The following MSN variants were observed in gnomAD, a reference collection of about 807,000 sequenced individuals.
The protein encoded by MSN is moesin.
MSN carries 2 observed loss-of-function variants against 48.0 expected under a neutral mutation model. The observed-to-expected ratio is 0.04, with a 90% CI of 0.02 to 0.13. The LOEUF is 0.13. MSN is among the 10% of genes least tolerant of loss of function. MSN has a pLI of 1.00. For missense variants in MSN, 267 were observed against 470.1 expected, an observed-to-expected ratio of 0.57 and a Z score of 3.99; for synonymous variants, 146 against 166.9, an observed-to-expected ratio of 0.87 and a Z score of 0.97.
At chrX:65,599,785 T>C (rs2070218733) in intron 1 of MSN, among the ~76,000 whole-genome samples, 1 of 110,776 alleles carries the variant, frequency 9.0e-6, no homozygotes, top group African/African-American at 3.3e-5. Context: ...GCAGAGGGCA[T>C]GAAAAAGGGG....
chrX:65,708,037 A>T lies in MSN; in HGVS notation c.13-8781A>T, dbSNP rs140798918. Reference sequence around the variant, plus strand: ...TAACTTGATTTTTTTTTTTAAATAGAGATGGTCTTGCTATATTGCCCAGGA... The same window carrying T: ...TAACTTGATTTTTTTTTTTAAATAGTGATGGTCTTGCTATATTGCCCAGGA... On this transcript the variant is annotated intron_variant, in intron 1 of 12. Coordinates refer to ENST00000360270, the MANE Select transcript of MSN (RefSeq NM_002444.3). 1.3e-3 allele frequency among the ~76,000 whole-genome samples: 141 copies of T among 110,216 alleles called. 2 individuals are homozygous for T. The East Asian group carries it at 0.035, about 27-fold the overall frequency.
chrX:65,629,399 T>C (rs1170209856), intron 1 of MSN, among the ~76,000 whole-genome samples: 1 of 112,218 alleles, frequency 8.9e-6, no homozygotes, highest in Admixed American at 9.5e-5. Flanking sequence ...CCTGTCTTCT[T>C]CTGAGCCCTC....
intron 1 of MSN, among the ~76,000 whole-genome samples, chrX:65,612,586 G>C (rs750727833): frequency 2.8e-3 from 297 of 107,454 alleles, no homozygotes; most frequent in Non-Finnish European, 4.1e-3. Context: ...TGTGAAGCAG[G>C]GTCTCGCTCT....
intron 1 of MSN, among the ~76,000 whole-genome samples, chrX:65,661,845 T>C (rs769101153): frequency 4.3e-4 from 48 of 112,188 alleles, no homozygotes; most frequent in African/African-American, 1.5e-3. Context: ...CATGGCCCTG[T>C]CTCTACTAAA....
intron 1 of MSN, chrX:65,625,534 T>C (rs902547206): frequency 8.9e-6 from 1 of 112,571 alleles, no homozygotes; most frequent in Non-Finnish European, 1.9e-5. Flanking sequence ...AATTTCATTC[T>C]TTGTTTCTTG....
intron 1 of MSN, among the ~76,000 whole-genome samples, chrX:65,630,520 T>C (rs892255506): frequency 1.8e-5 from 2 of 111,217 alleles, no homozygotes; most frequent in African/African-American, 6.5e-5. Context: ...GCCCAGGGGC[T>C]GGAGGATGCA....
intron 1 of MSN, among the ~76,000 whole-genome samples, chrX:65,694,264 A>G (rs900925317): frequency 7.2e-5 from 8 of 111,186 alleles, no homozygotes; most frequent in Non-Finnish European, 1.5e-4. Context: ...GAGATCAAAT[A>G]ATTTTAGAAC....
intron 1 of MSN, among the ~76,000 whole-genome samples, chrX:65,637,255 A>T (rs1426338836): frequency 9.5e-6 from 1 of 104,942 alleles, no homozygotes; most frequent in African/African-American, 3.5e-5. Context: ...ATACAAAATT[A>T]GCCCGGTGTG....
intron 1 of MSN, among the ~76,000 whole-genome samples, chrX:65,613,929 G>A (rs1275374955): frequency 1.8e-5 from 2 of 111,969 alleles, no homozygotes; most frequent in African/African-American, 3.2e-5. Flanking sequence ...TGGTGTTTTA[G>A]TCATGAAGTC....
intron 1 of MSN, among the ~76,000 whole-genome samples, chrX:65,656,677 T>A (rs1207342441): frequency 6.3e-5 from 7 of 111,174 alleles, no homozygotes; most frequent in Admixed American, 5.7e-4. Flanking sequence ...GGAGGCCAAA[T>A]GAGCACTGTG....
intron 1 of MSN, among the ~76,000 whole-genome samples, chrX:65,712,582 A>G (rs1008602137): frequency 9.2e-6 from 1 of 108,479 alleles, no homozygotes; most frequent in Non-Finnish European, 1.9e-5. Flanking sequence ...AGAAAGGAGA[A>G]AGCACCCATA....
chrX:65,626,048 G>A (rs936651571), intron 1 of MSN, among the ~76,000 whole-genome samples: 97 of 103,452 alleles, frequency 9.4e-4, no homozygotes, highest in African/African-American at 3.1e-3. Context: ...TCTGCCTCCC[G>A]GGTTCACACC....
intron 1 of MSN, among the ~76,000 whole-genome samples, chrX:65,623,776 C>CA (rs1466895157): frequency 9.4e-6 from 1 of 106,202 alleles, no homozygotes; most frequent in African/African-American, 3.5e-5. Context: ...CGTGCCATTG[C>CA]ACTCCAGCCT....
intron 1 of MSN, among the ~76,000 whole-genome samples, chrX:65,629,326 A>C (rs1001380322): frequency 2.7e-5 from 3 of 111,484 alleles, no homozygotes; most frequent in Admixed American, 9.6e-5. Flanking sequence ...TCATATCACT[A>C]TCAGCATTTT....
intron 1 of MSN, among the ~76,000 whole-genome samples, chrX:65,643,575 A>G (rs978014234): frequency 1.8e-5 from 2 of 112,091 alleles, no homozygotes; most frequent in Non-Finnish European, 3.8e-5. Context: ...TCAAGCTAGA[A>G]AGTTCTAATT....
At chrX:65,663,055 C>T (rs1043234975), upstream of MSN, among the ~76,000 whole-genome samples, 1 of 111,254 alleles carries the variant, frequency 9.0e-6, no homozygotes, top group Admixed American at 9.6e-5. Context: ...GCCAGGAGTT[C>T]GAGACCAGCC....
intron 1 of MSN, among the ~76,000 whole-genome samples, chrX:65,710,454 G>T (rs1024862647): frequency 9.0e-6 from 1 of 111,680 alleles, no homozygotes; most frequent in Non-Finnish European, 1.9e-5. Flanking sequence ...TCCATGGACA[G>T]AATTTGAAGT....
At chrX:65,593,441 G>A (rs975008209) in intron 1 of MSN, 4 of 112,540 alleles carry the variant, frequency 3.6e-5, no homozygotes, top group East Asian at 2.8e-4. Context: ...CAAAGTCTCC[G>A]TCCCAGGGTC....
rs185866386 is a variant in MSN at position 65,627,351 on chromosome X, C to T, written c.-22+38739C>T. On this transcript the variant is annotated intron_variant, in intron 1 of 3. Transcript: ENST00000609672. Reference sequence around the variant, plus strand: ...CTGATAAAGACATACCTGAGACTGTCGAGAAAAAGAGGTTTAATTGGACTT... The same window carrying T: ...CTGATAAAGACATACCTGAGACTGTTGAGAAAAAGAGGTTTAATTGGACTT... Among the ~76,000 whole-genome samples the T allele has an allele frequency of 1.3e-3, 146 of 109,377 alleles. 2 individuals carry two copies. The South Asian group carries it at 0.052, about 39-fold the overall frequency. 95.0% of individuals were successfully genotyped at this position (109,377 alleles called of 115,157 possible).
Sources: gnomAD v4.1 joint callset for allele counts (sites outside exome capture counted in the v4.1 genomes callset) on GRCh38, gnomAD v4.1.1 for gene constraint, MANE v1.5 for transcripts, NCBI Gene and HGNC (gene_info 2026-07-23, HGNC 2026-07-21) for gene names.